Variants in BRINP3 observed in about 807,000 individuals in gnomAD.
BRINP3 encodes BMP/retinoic acid inducible neural specific 3.
BRINP3 carries 19 observed loss-of-function variants against 71.0 expected under a neutral mutation model. That is an observed-to-expected ratio of 0.27 (90% CI 0.19 to 0.39). The LOEUF (loss-of-function observed/expected upper bound fraction) is 0.39. Among genes scored for constraint, BRINP3 ranks in the 10% least tolerant of loss-of-function variants. BRINP3 has a pLI of 1.00. For synonymous variants in BRINP3, 380 were observed against 337.7 expected, an observed-to-expected ratio of 1.13 and a Z score of -1.37; for missense variants, 959 against 940.8, an observed-to-expected ratio of 1.02 and a Z score of -0.25.
chr1:190,168,275 T>G (rs1200088151), intron 6 of BRINP3, among the ~76,000 whole-genome samples: 2 of 152,284 alleles, frequency 1.3e-5, no homozygotes, highest in South Asian at 4.1e-4. Flanking sequence ...TGAGTCATCA[T>G]GAGAAGAAAG....
intron 7 of BRINP3, among the ~76,000 whole-genome samples, chr1:190,147,429 A>AT (rs1443477409): frequency 6.6e-6 from 1 of 152,112 alleles, no homozygotes; most frequent in African/African-American, 2.4e-5. Context: ...AATAAGTAAC[A>AT]TTTTCAGAAC....
At chr1:190,353,967 G>A (rs1668567156) in intron 2 of BRINP3, among the ~76,000 whole-genome samples, 2 of 151,790 alleles carry the variant, frequency 1.3e-5, no homozygotes, top group South Asian at 4.2e-4. Context: ...TTCTTTCTTG[G>A]AATCCCTCAA....
chr1:190,177,199 G>C (rs1158389858), intron 6 of BRINP3, among the ~76,000 whole-genome samples: 1 of 110,114 alleles, frequency 9.1e-6, no homozygotes, highest in Non-Finnish European at 1.7e-5. Flanking sequence ...GTCTCACTCT[G>C]TCACCCAGGC....
intron 2 of BRINP3, among the ~76,000 whole-genome samples, chr1:190,290,929 G>A (rs1221539764): frequency 6.6e-6 from 1 of 151,732 alleles, no homozygotes; most frequent in Non-Finnish European, 1.5e-5. Flanking sequence ...GTGTGTATTT[G>A]TGGGAAGCAT....
chr1:190,210,452 T>A lies in BRINP3; in HGVS notation c.961+15630A>T, dbSNP rs184387162. 3.9e-5 allele frequency among the ~76,000 whole-genome samples: 6 copies of A among 152,182 alleles called. 1 individual carries two copies. The highest frequency in any genetic ancestry group is 3.3e-4 in the Admixed American group (5 of 15,280). On this transcript the variant is annotated intron_variant, in intron 6 of 7. Coordinates refer to ENST00000367462, the MANE Select transcript of BRINP3 (RefSeq NM_199051.3). ...TCTTTGAGTGAATTATGAGTTCAAA[T>A]AAATACAAACTATATTAGACAAACA...
At chr1:190,453,203 A>ATTTTTTTTT (rs1190785225) in intron 2 of BRINP3, among the ~76,000 whole-genome samples, 1,315 of 40,852 alleles carry the variant, frequency 0.032, 419 homozygotes, top group Middle Eastern at 0.053. Context: ...AAACTTTAGT[A>ATTTTTTTTT]TTTTTTTTTT....
intron 2 of BRINP3, among the ~76,000 whole-genome samples, chr1:190,431,286 G>A (rs1674082389): frequency 1.3e-5 from 2 of 151,684 alleles, no homozygotes; most frequent in Admixed American, 1.3e-4. Context: ...TTGTATGCAA[G>A]GTTAAAAGAA....
chr1:190,131,129 C>T (rs1654505497), intron 7 of BRINP3, among the ~76,000 whole-genome samples: 1 of 135,844 alleles, frequency 7.4e-6, no homozygotes, highest in Non-Finnish European at 1.5e-5. Flanking sequence ...GAAACTAGGA[C>T]CAAGAGAGTT....
intron 2 of BRINP3, among the ~76,000 whole-genome samples, chr1:190,396,903 C>T (rs1191258332): frequency 2.0e-5 from 3 of 151,254 alleles, no homozygotes; most frequent in Admixed American, 6.6e-5. Context: ...AAAACATTTC[C>T]CTTTACATAC....
chr1:190,405,278 T>C (rs946710885), intron 2 of BRINP3, among the ~76,000 whole-genome samples: 24 of 151,586 alleles, frequency 1.6e-4, no homozygotes, highest in South Asian at 8.3e-4. Flanking sequence ...GGTGAAACCC[T>C]GTCTCTACTA....
intron 2 of BRINP3, among the ~76,000 whole-genome samples, chr1:190,355,719 G>A (rs758999363): frequency 6.6e-6 from 1 of 151,784 alleles, no homozygotes; most frequent in Non-Finnish European, 1.5e-5. Flanking sequence ...TAAGACACAT[G>A]GTTATTCTTT....
chr1:190,339,132 A>C (rs1667487359), intron 2 of BRINP3, among the ~76,000 whole-genome samples: 1 of 151,962 alleles, frequency 6.6e-6, no homozygotes, highest in African/African-American at 2.4e-5. Context: ...GCACAGGTTA[A>C]TTTGCCTTAC....
chr1:190,250,458 C>A (rs897881353), intron 4 of BRINP3, among the ~76,000 whole-genome samples: 5 of 151,970 alleles, frequency 3.3e-5, no homozygotes, highest in African/African-American at 1.2e-4. Flanking sequence ...CTCCAGCTTG[C>A]TGTAGTACTT....
chr1:190,101,829 G>T (rs1245187287), intron 7 of BRINP3, among the ~76,000 whole-genome samples: 1 of 152,140 alleles, frequency 6.6e-6, no homozygotes, highest in Non-Finnish European at 1.5e-5. Flanking sequence ...GCTCACAAAA[G>T]TAGGGCACTG....
At chr1:190,355,511 C>T (rs1353415936) in intron 2 of BRINP3, among the ~76,000 whole-genome samples, 1 of 151,806 alleles carries the variant, frequency 6.6e-6, no homozygotes, top group East Asian at 1.9e-4. Flanking sequence ...TTGATTGTGG[C>T]ATTTCTTTTT....
At chr1:190,314,847 A>C (rs1665774436) in intron 2 of BRINP3, among the ~76,000 whole-genome samples, 1 of 152,188 alleles carries the variant, frequency 6.6e-6, no homozygotes, top group African/African-American at 2.4e-5. Context: ...TCTTGTCACC[A>C]GTACAAGGAA....
At position 190,097,946 on chromosome 1, in the gene BRINP3, C is replaced by T; in HGVS notation, c.*72G>A. ...AAAAGACAATTTAAATTTACTCTTC[C>T]AAACATAAACTGTTCCACAAAAGCA... On this transcript the variant is annotated 3_prime_UTR_variant, in exon 8 of 8. Transcript: ENST00000367462. The T allele has an allele frequency of 6.9e-7, 1 of 1,453,568 alleles. No individual in the cohort carries two copies. Among genetic ancestry groups the T allele is most frequent in the Non-Finnish European group, 9.3e-7 (1 of 1,080,286 alleles). 90.0% of individuals were successfully genotyped at this position (1,453,568 alleles called of 1,614,324 possible). A position where few individuals can be genotyped will look rare whatever the true frequency, so the allele number is the denominator to read the frequency against.
intron 2 of BRINP3, among the ~76,000 whole-genome samples, chr1:190,408,342 C>T (rs1031447251): frequency 2.0e-5 from 3 of 151,968 alleles, no homozygotes; most frequent in Non-Finnish European, 4.4e-5. Flanking sequence ...CCGCATCCGG[C>T]CTACATTTGT....
At chr1:190,198,391 C>T (rs1654685111) in intron 6 of BRINP3, among the ~76,000 whole-genome samples, 1 of 152,198 alleles carries the variant, frequency 6.6e-6, no homozygotes, top group African/African-American at 2.4e-5. Context: ...TTCTTTTCTA[C>T]TGCATCATCA....
Sources: gnomAD v4.1 joint callset for allele counts (sites outside exome capture counted in the v4.1 genomes callset) on GRCh38, gnomAD v4.1.1 for gene constraint, MANE v1.5 for transcripts, NCBI Gene and HGNC (gene_info 2026-07-23, HGNC 2026-07-21) for gene names.